The following PTPRA variants were observed in gnomAD, a reference collection of about 807,000 sequenced individuals.
PTPRA encodes receptor-type tyrosine-protein phosphatase alpha.
In PTPRA, 25 loss-of-function variants were observed where a neutral mutation model predicts 104.8. The observed-to-expected ratio is 0.24, with a 90% CI of 0.17 to 0.33. PTPRA has a LOEUF of 0.33. Among genes scored for constraint, PTPRA ranks in the 10% least tolerant of loss-of-function variants. The pLI is 1.00. For missense variants in PTPRA, 765 were observed against 1,015.3 expected, an observed-to-expected ratio of 0.75 and a Z score of 3.35; for synonymous variants, 323 against 368.9, an observed-to-expected ratio of 0.88 and a Z score of 1.43.
chr20:2,930,141 A>G (rs940072188), intron 2 of PTPRA, among the ~76,000 whole-genome samples: 1 of 152,198 alleles, frequency 6.6e-6, no homozygotes, highest in Non-Finnish European at 1.5e-5. Flanking sequence ...CTACCAAATG[A>G]ATATAGACAT....
upstream of PTPRA, among the ~76,000 whole-genome samples, chr20:2,870,387 A>C (rs1334701146): frequency 6.6e-6 from 1 of 152,210 alleles, no homozygotes; most frequent in Non-Finnish European, 1.5e-5. Flanking sequence ...AGAAAAAAAA[A>C]ACTCGGGTTT....
intron 20 of PTPRA, among the ~76,000 whole-genome samples, chr20:3,031,363 A>G (rs1458020307): frequency 4.7e-5 from 7 of 150,020 alleles, no homozygotes; most frequent in African/African-American, 1.5e-4. Flanking sequence ...CTGAGATGAA[A>G]CTCCAGTCCC....
chr20:2,942,156 C>G (rs1276229076), intron 2 of PTPRA, among the ~76,000 whole-genome samples: 1 of 152,126 alleles, frequency 6.6e-6, no homozygotes, highest in Non-Finnish European at 1.5e-5. Flanking sequence ...ATTCATCAGG[C>G]TTATCATATG....
At chr20:2,907,286 T>G (rs1318771351) in intron 1 of PTPRA, among the ~76,000 whole-genome samples, 1 of 151,978 alleles carries the variant, frequency 6.6e-6, no homozygotes, top group Non-Finnish European at 1.5e-5. Context: ...TGTGAAAAAT[T>G]TCAATCTCAG....
intron 1 of PTPRA, among the ~76,000 whole-genome samples, chr20:2,889,140 A>G (rs1188767696): frequency 1.3e-5 from 2 of 152,226 alleles, no homozygotes; most frequent in African/African-American, 2.4e-5. Flanking sequence ...TTTTAAAATT[A>G]TTTGGGCTTT....
chr20:2,896,092 A>G lies in PTPRA; in HGVS notation c.-129+22332A>G, dbSNP rs150713426. ...ATTGTGGTTAAAGAATATGGTCTAT[A>G]GGCTGGGCACGGTGGCTCACACCTG... On this transcript the variant is annotated intron_variant, in intron 1 of 23. Coordinates refer to ENST00000399903, the MANE Select transcript of PTPRA (RefSeq NM_001385305.1). 5.8e-4 allele frequency among the ~76,000 whole-genome samples: 89 copies of G among 152,164 alleles called. 1 individual carries two copies. The East Asian group carries it at 0.016, about 28-fold the overall frequency.
intron 1 of PTPRA, among the ~76,000 whole-genome samples, chr20:2,910,578 G>GTTTCTTTTTTTTTTTTT (rs1337126801): frequency 3.1e-5 from 1 of 32,426 alleles, no homozygotes; most frequent in African/African-American, 1.7e-4. Context: ...TGCCCAGCTA[G>GTTTCTTTTTTTTTTTTT]TTTTTTTTTT....
At chr20:2,929,135 T>C (rs935569640) in intron 2 of PTPRA, among the ~76,000 whole-genome samples, 1 of 152,080 alleles carries the variant, frequency 6.6e-6, no homozygotes, top group Non-Finnish European at 1.5e-5. Flanking sequence ...TATTTTTTAG[T>C]AGAGACAGGG....
intron 2 of PTPRA, among the ~76,000 whole-genome samples, chr20:2,926,078 A>G (rs370193192): frequency 1.3e-5 from 2 of 152,156 alleles, no homozygotes; most frequent in African/African-American, 4.8e-5. Context: ...TTATATGTAT[A>G]TGCTGTTTCT....
At chr20:2,933,023 G>T (rs943659993) in intron 2 of PTPRA, among the ~76,000 whole-genome samples, 1 of 152,162 alleles carries the variant, frequency 6.6e-6, no homozygotes, top group Non-Finnish European at 1.5e-5. Context: ...GATCATATAT[G>T]TAAAAAGCAA....
intron 1 of PTPRA, among the ~76,000 whole-genome samples, chr20:2,884,852 C>A (rs1465243120): frequency 6.7e-6 from 1 of 150,024 alleles, no homozygotes; most frequent in Non-Finnish European, 1.5e-5. Context: ...CTCTGTCGCC[C>A]AGGCTGGAGT....
At chr20:2,880,953 A>G (rs147580846) in intron 1 of PTPRA, among the ~76,000 whole-genome samples, 2 of 151,852 alleles carry the variant, frequency 1.3e-5, no homozygotes, top group East Asian at 3.9e-4. Flanking sequence ...GGCTGCATTG[A>G]GCCATGATTG....
chr20:2,940,634 C>T (rs1195285517), intron 2 of PTPRA, among the ~76,000 whole-genome samples: 1 of 152,144 alleles, frequency 6.6e-6, no homozygotes, highest in Non-Finnish European at 1.5e-5. Flanking sequence ...AAACACAGCT[C>T]ACTTCAGCCT....
chr20:3,004,807 C>G (rs537108015), intron 9 of PTPRA, among the ~76,000 whole-genome samples: 1 of 152,344 alleles, frequency 6.6e-6, no homozygotes, highest in East Asian at 1.9e-4. Context: ...AAAGAGCATG[C>G]TATACTTACA....
At chr20:2,929,849 G>T (rs1389653583) in intron 2 of PTPRA, among the ~76,000 whole-genome samples, 2 of 152,126 alleles carry the variant, frequency 1.3e-5, no homozygotes, top group African/African-American at 4.8e-5. Context: ...AAAATTTTAA[G>T]TAGTTGATTA....
intron 3 of PTPRA, among the ~76,000 whole-genome samples, chr20:2,962,489 AT>A (rs1346211111): frequency 6.6e-6 from 1 of 152,136 alleles, no homozygotes; most frequent in Non-Finnish European, 1.5e-5. Flanking sequence ...TCCCAAAACC[AT>A]TTTCTATTAA....
intron 3 of PTPRA, among the ~76,000 whole-genome samples, chr20:2,952,651 G>A (rs779894511): frequency 2.0e-5 from 3 of 151,988 alleles, no homozygotes; most frequent in East Asian, 1.9e-4. Flanking sequence ...AACCATCACC[G>A]CCATCCATCT....
At chr20:3,033,113 C>T (rs2065593898) in intron 20 of PTPRA, among the ~76,000 whole-genome samples, 1 of 151,900 alleles carries the variant, frequency 6.6e-6, no homozygotes, top group South Asian at 2.1e-4. Flanking sequence ...ACACACTAGC[C>T]CTTCAGGATC....
In PTPRA at chr20:3,027,773, T is replaced by C. The variant is rs1447660938; in HGVS notation, c.1852T>C (p.Trp618Arg). ...TCTTCTCCACACAATTGAGGACTTC[T>C]GGCGAATGATCTGGGAGTGGAAATC... is the stretch of plus-strand genomic sequence containing the variant. ...GPLLHTIEDF[W>R]RMIWEWKSCS... Residue 618 changes from tryptophan to arginine, a missense_variant, in exon 20 of 24, where the codon TGG (tryptophan) becomes CGG (arginine). Trp to Arg is a moderately radical substitution (Grantham distance 101, BLOSUM62 -3). Coordinates refer to ENST00000399903, the MANE Select transcript of PTPRA (RefSeq NM_001385305.1). 1 of 1,614,088 alleles carries C rather than the reference T, an allele frequency of 6.2e-7. No homozygotes were observed. Among genetic ancestry groups the C allele is most frequent in the Non-Finnish European group, 8.5e-7 (1 of 1,180,046 alleles).
Sources: gnomAD v4.1 joint callset for allele counts (sites outside exome capture counted in the v4.1 genomes callset) on GRCh38, gnomAD v4.1.1 for gene constraint, MANE v1.5 for transcripts, NCBI Gene and HGNC (gene_info 2026-07-23, HGNC 2026-07-21) for gene names.